Variants in ZNF654 observed in about 807,000 individuals in gnomAD.
The protein encoded by ZNF654 is zinc finger protein 654, also known as melanoma-associated antigen.
In ZNF654, 19 loss-of-function variants were observed where a neutral mutation model predicts 95.3. The observed-to-expected ratio is 0.20, with a 90% CI of 0.14 to 0.29. The LOEUF is 0.29. Ranked by LOEUF, ZNF654 falls within the 10% of genes least tolerant of loss-of-function variation. The pLI is 1.00. For synonymous variants in ZNF654, 413 were observed against 457.9 expected, an observed-to-expected ratio of 0.90 and a Z score of 1.25; for missense variants, 1,046 against 1,341.0, an observed-to-expected ratio of 0.78 and a Z score of 3.44.
At chr3:88,082,701 GTTTTC>G (rs1708143160) in intron 1 of ZNF654, among the ~76,000 whole-genome samples, 1 of 152,142 alleles carries the variant, frequency 6.6e-6, no homozygotes, top group Non-Finnish European at 1.5e-5. Context: ...ATGTTTGGTA[GTTTTC>G]TTTGTTACAT....
intron 2 of ZNF654, among the ~76,000 whole-genome samples, chr3:88,105,394 T>G (rs1429786151): frequency 6.6e-6 from 1 of 152,214 alleles, no homozygotes; most frequent in South Asian, 2.1e-4. Context: ...TGAATTTTGT[T>G]GTGTTGATGT....
At chr3:88,070,712 T>G (rs1301514073) in intron 1 of ZNF654, among the ~76,000 whole-genome samples, 1 of 151,988 alleles carries the variant, frequency 6.6e-6, no homozygotes, top group Admixed American at 6.6e-5. Flanking sequence ...TTTTGGCCCC[T>G]TAAGAAAAAA....
rs1707145741 is a variant in ZNF654, at chr3:88,141,723, C to G, written c.*71C>G. On this transcript the variant is annotated 3_prime_UTR_variant, in exon 9 of 9. Transcript: ENST00000636215. Reference sequence around the variant, plus strand: ...AAAGCACTATAAGAAAATGCATCATCAGTTTGCTATTTCCCTGATGGCCTT... The same window carrying G: ...AAAGCACTATAAGAAAATGCATCATGAGTTTGCTATTTCCCTGATGGCCTT... 3.2e-6 allele frequency: 4 copies of G among 1,239,876 alleles called. No homozygotes were observed. The highest frequency in any genetic ancestry group is 4.4e-6 in the Non-Finnish European group (4 of 908,684). The allele number at this position is 1,239,876 out of a possible 1,614,324, so 76.8% of individuals were successfully genotyped here.
At chr3:88,097,971 A>G (rs1704166443) in intron 2 of ZNF654, among the ~76,000 whole-genome samples, 1 of 152,186 alleles carries the variant, frequency 6.6e-6, no homozygotes, top group South Asian at 2.1e-4. Context: ...AAGACAAGAA[A>G]TAACTAAGAT....
At chr3:88,079,236 C>T (rs988313937) in intron 1 of ZNF654, among the ~76,000 whole-genome samples, 4 of 151,970 alleles carry the variant, frequency 2.6e-5, no homozygotes, top group Admixed American at 6.6e-5. Flanking sequence ...TCTTATGTTC[C>T]ATATTGGGAG....
In ZNF654 at chr3:88,074,595, G is replaced by A. The variant is rs140726258; in HGVS notation, c.187-11662G>A. 7.2e-5 allele frequency among the ~76,000 whole-genome samples: 11 copies of A among 152,222 alleles called. No homozygotes were observed. In the East Asian group the frequency reaches 1.5e-3, roughly 21 times the overall value. On this transcript the variant is annotated intron_variant, in intron 1 of 8. Coordinates refer to ENST00000636215, the MANE Select transcript of ZNF654 (RefSeq NM_001350134.2). Reference sequence around the variant, plus strand: ...GACCTCAAGTGATCCGCCTGCCTCGGCCTTCCAAAGTGCTGGATTATAAGC... The same window carrying A: ...GACCTCAAGTGATCCGCCTGCCTCGACCTTCCAAAGTGCTGGATTATAAGC...
intron 3 of ZNF654, among the ~76,000 whole-genome samples, chr3:88,118,237 T>C (rs1705531838): frequency 6.6e-6 from 1 of 152,150 alleles, no homozygotes; most frequent in African/African-American, 2.4e-5. Context: ...AAGCCTTCTT[T>C]CCCTGAGACA....
chr3:88,100,105 A>G (rs1413881378), intron 2 of ZNF654, among the ~76,000 whole-genome samples: 5 of 152,236 alleles, frequency 3.3e-5, no homozygotes, highest in African/African-American at 1.2e-4. Context: ...CAGAATCTAC[A>G]AAGAACTTAA....
intron 1 of ZNF654, among the ~76,000 whole-genome samples, chr3:88,082,731 G>A (rs1257216177): frequency 6.6e-6 from 1 of 152,110 alleles, no homozygotes; most frequent in Non-Finnish European, 1.5e-5. Context: ...AAAAAGGAGA[G>A]CTCAATTAAG....
In ZNF654 at chr3:88,138,836, G is replaced by T; in HGVS notation, c.1167G>T (p.Glu389Asp). The T allele has an allele frequency of 8.1e-7, 1 of 1,232,028 alleles. No homozygotes were observed. Among genetic ancestry groups the T allele is most frequent in the Non-Finnish European group, 1.0e-6 (1 of 987,910 alleles). The allele number at this position is 1,232,028 out of a possible 1,614,324, so 76.3% of individuals were successfully genotyped here. ...TIAHFLPNDLEILRICALSIF... is the reference protein window; with the variant it reads ...TIAHFLPNDLDILRICALSIF... ...CACATTTTTTGCCAAATGATTTGGA[G>T]ATCCTCAGGATTTGTGCACTCTCAA... The change falls in exon 8 of 9, where the codon GAG becomes GAT. Residue 389 changes from glutamate (E) to aspartate (D), a missense_variant. Around this residue, in one of 9 missense-constraint regions of ZNF654, gnomAD observed 78 missense variants for 154.2 expected, o/e 0.51. Coordinates refer to ENST00000636215, the MANE Select transcript of ZNF654 (RefSeq NM_001350134.2).
chr3:88,126,579 C>CTTTTTTTTTT (rs144091813), intron 4 of ZNF654, among the ~76,000 whole-genome samples: 2 of 81,744 alleles, frequency 2.4e-5, no homozygotes, highest in Non-Finnish European at 4.7e-5. Context: ...GTAGAAACAT[C>CTTTTTTTTTT]TTTTTTTTTT....
chr3:88,059,797 C>T (rs1037695257), intron 1 of ZNF654, among the ~76,000 whole-genome samples: 2 of 152,092 alleles, frequency 1.3e-5, no homozygotes, highest in African/African-American at 4.8e-5. Flanking sequence ...CATGCCTTCC[C>T]TACCCCAAAC....
intron 3 of ZNF654, among the ~76,000 whole-genome samples, chr3:88,121,306 A>T (rs1705755243): frequency 6.6e-6 from 1 of 152,098 alleles, no homozygotes; most frequent in African/African-American, 2.4e-5. Flanking sequence ...TCCAGTTGAA[A>T]ATTTTTTCAA....
At chr3:88,129,882 T>C (rs540195111) in intron 6 of ZNF654, 56 bp downstream of exon 6, 4 of 1,319,304 alleles carry the variant, frequency 3.0e-6, no homozygotes, top group African/African-American at 1.5e-5. Context: ...AGAAAGGAAA[T>C]TGCAGTTTGA....
chr3:88,079,876 C>T (rs916956072), intron 1 of ZNF654, among the ~76,000 whole-genome samples: 2 of 151,994 alleles, frequency 1.3e-5, no homozygotes, highest in Non-Finnish European at 2.9e-5. Context: ...TTTTAGGTTG[C>T]TTGCTACTGT....
chr3:88,061,887 A>C (rs949092390), intron 1 of ZNF654, among the ~76,000 whole-genome samples: 17 of 152,150 alleles, frequency 1.1e-4, no homozygotes, highest in Admixed American at 6.5e-4. Context: ...AAGTACATGA[A>C]TTATACAGAC....
intron 3 of ZNF654, among the ~76,000 whole-genome samples, chr3:88,116,061 C>T (rs1248200005): frequency 6.6e-6 from 1 of 152,022 alleles, no homozygotes; most frequent in African/African-American, 2.4e-5. Context: ...AGTCATGTCC[C>T]CCTCTATCCC....
chr3:88,137,194 CAAAAAAAAAAAA>C (rs11401199), intron 7 of ZNF654, among the ~76,000 whole-genome samples: 5 of 70,724 alleles, frequency 7.1e-5, no homozygotes, highest in African/African-American at 1.3e-4. Context: ...GACTCTGTCT[CAAAAAAAAAAAA>C]AAAAAAAAAA....
intron 2 of ZNF654, among the ~76,000 whole-genome samples, chr3:88,093,986 A>G (rs1703900201): frequency 6.6e-6 from 1 of 152,116 alleles, no homozygotes; most frequent in South Asian, 2.1e-4. Flanking sequence ...ACCTTAACCA[A>G]TTTTGTATCT....
Sources: allele counts gnomAD v4.1 joint callset (sites outside exome capture counted in the v4.1 genomes callset), GRCh38; gene constraint gnomAD v4.1.1; regional missense constraint gnomAD v4.1.1; transcripts MANE v1.5; gene names NCBI Gene and HGNC (gene_info 2026-07-23, HGNC 2026-07-21).